The following RMP64 variants were observed in gnomAD, a reference collection of about 807,000 sequenced individuals.
RMP64 encodes nucleolus and neural progenitor protein.
chr3:113,012,369 A>C, the RMP64 span, among the ~76,000 whole-genome samples: 1 of 152,142 alleles, frequency 6.6e-6, no homozygotes, highest in African/African-American at 2.4e-5. Flanking sequence ...ACTACCAACA[A>C]TTTTTTATTA....
chr3:113,013,167 G>T, the RMP64 span: 1 of 1,231,736 alleles, frequency 8.1e-7, no homozygotes, highest in Non-Finnish European at 1.2e-6. Context: ...AATTCCTGTA[G>T]GTTGTAACTC....
the RMP64 span, among the ~76,000 whole-genome samples, chr3:113,012,317 C>T: frequency 2.6e-5 from 4 of 152,126 alleles, no homozygotes; most frequent in Admixed American, 6.5e-5. Context: ...TACAGCCAGC[C>T]CAGGATTAGC....
chr3:113,006,703 G>A, the RMP64 span, among the ~76,000 whole-genome samples: 1 of 152,142 alleles, frequency 6.6e-6, no homozygotes, highest in Admixed American at 6.5e-5. Flanking sequence ...CTTTGAGGAA[G>A]CCCATTATAA....
At chr3:113,006,040 A>C in the RMP64 span, 1 of 1,429,000 alleles carries the variant, frequency 7.0e-7, no homozygotes. Flanking sequence ...TCTGGGCTTA[A>C]GATGAGAAAA....
the RMP64 span, among the ~76,000 whole-genome samples, chr3:113,016,431 G>C: frequency 1.1e-5 from 1 of 92,670 alleles, no homozygotes; most frequent in African/African-American, 2.6e-5. Context: ...CTGGATGGGA[G>C]AGCTACGTAA....
the RMP64 span, chr3:113,008,069 G>C: frequency 9.6e-7 from 1 of 1,043,338 alleles, no homozygotes; most frequent in African/African-American, 1.6e-5. Context: ...TAGCCCCGCT[G>C]CGGCTGCTGG....
the RMP64 span, chr3:113,008,028 A>G: frequency 5.7e-5 from 38 of 669,248 alleles, no homozygotes; most frequent in East Asian, 9.9e-4. Context: ...AAAAGCAGCA[A>G]ATGCAATTGC....
the RMP64 span, chr3:113,011,638 T>C: frequency 1.2e-5 from 4 of 344,844 alleles, no homozygotes; most frequent in Non-Finnish European, 2.1e-5. Context: ...GAAAGATATA[T>C]ATATATTCAA....
chr3:113,019,331 A>C, the RMP64 span, among the ~76,000 whole-genome samples: 1 of 152,256 alleles, frequency 6.6e-6, no homozygotes, highest in East Asian at 1.9e-4. Flanking sequence ...CTGGGTTAGC[A>C]CAGCTGGTTC....
At chr3:113,010,395 T>TA in the RMP64 span, 2 of 481,546 alleles carry the variant, frequency 4.2e-6, no homozygotes, top group Non-Finnish European at 7.4e-6. Context: ...CAACAGATCT[T>TA]ACGGTTACTT....
At chr3:113,006,257 A>C in the RMP64 span, among the ~76,000 whole-genome samples, 1 of 152,168 alleles carries the variant, frequency 6.6e-6, no homozygotes, top group Non-Finnish European at 1.5e-5. Context: ...CCGCCTAGCA[A>C]TTAGCTGAAT....
chr3:113,013,033 G>C, the RMP64 span: 8 of 616,152 alleles, frequency 1.3e-5, no homozygotes, highest in South Asian at 1.5e-4. Flanking sequence ...TAGTTTCTAA[G>C]ATTAAGAATT....
the RMP64 span, chr3:113,017,426 C>A: frequency 6.2e-7 from 1 of 1,607,416 alleles, no homozygotes; most frequent in South Asian, 1.1e-5. Flanking sequence ...CAGGTTGGGT[C>A]TCACCTACCG....
the RMP64 span, chr3:113,005,472 G>A: frequency 1.9e-6 from 2 of 1,058,030 alleles, no homozygotes; most frequent in Non-Finnish European, 2.9e-6. Context: ...GATCTTAGCA[G>A]TTCTACTTAG....
At chr3:113,004,329 AG>A in the RMP64 span, 1 of 152,224 alleles carries the variant, frequency 6.6e-6, no homozygotes, top group East Asian at 1.9e-4. Context: ...TCTCTGGGAA[AG>A]GGCTAATCTG....
At chr3:113,008,046 G>A in the RMP64 span, 2 of 760,320 alleles carry the variant, frequency 2.6e-6, no homozygotes, top group Non-Finnish European at 4.3e-6. Flanking sequence ...TGCAGTTTGA[G>A]TACATCCCAA....
the RMP64 span, chr3:113,017,633 A>T: frequency 6.9e-6 from 11 of 1,588,870 alleles, no homozygotes; most frequent in South Asian, 1.1e-4. Context: ...AAGATTTAGT[A>T]TGTATTTCTA....
the RMP64 span, chr3:113,010,572 T>C: frequency 8.2e-7 from 1 of 1,223,958 alleles, no homozygotes; most frequent in Non-Finnish European, 1.2e-6. Context: ...ATTCAATCTC[T>C]GCCCTTGGTA....
At chr3:113,008,173 A>G in the RMP64 span, 2 of 1,613,798 alleles carry the variant, frequency 1.2e-6, no homozygotes, top group Non-Finnish European at 1.7e-6. Context: ...ATACCTACCT[A>G]GTACCTTGAG....
Sources: gnomAD v4.1 joint callset for allele counts (sites outside exome capture counted in the v4.1 genomes callset) on GRCh38, gnomAD v4.1.1 for gene constraint, MANE v1.5 for transcripts, NCBI Gene and HGNC (gene_info 2026-07-23, HGNC 2026-07-21) for gene names.